HK1: variants seen among roughly 807,000 people sequenced by gnomAD.
The protein encoded by HK1 is hexokinase-1.
A neutral mutation model predicts 91.6 loss-of-function variants in HK1; 28 were observed. That is an observed-to-expected ratio of 0.31 (90% CI 0.23 to 0.42). The LOEUF (loss-of-function observed/expected upper bound fraction) is 0.42. Among genes scored for constraint, HK1 ranks in the 10% least tolerant of loss-of-function variants. The probability of loss-of-function intolerance (pLI) is 1.00; values close to 1 mark genes in which losing one functional copy is unlikely to be tolerated. For missense variants in HK1, 770 were observed against 1,219.8 expected (o/e 0.63, Z 5.49); for synonymous variants, 430 against 468.1 (o/e 0.92, Z 1.05).
At chr10:69,281,111 A>G (rs186845643) in intron 1 of HK1, among the ~76,000 whole-genome samples, 5 of 152,292 alleles carry the variant, frequency 3.3e-5, no homozygotes, top group South Asian at 4.2e-4. Context: ...ACTTTTAATG[A>G]GTGAATCCAC....
chr10:69,273,149 GCCTC>G (rs1424562654), intron 1 of HK1, among the ~76,000 whole-genome samples: 1 of 150,670 alleles, frequency 6.6e-6, no homozygotes, highest in African/African-American at 2.4e-5. Flanking sequence ...TCCTGCCTCA[GCCTC>G]CCAAGCACCT....
chr10:69,372,494 C>G (rs913165373), intron 7 of HK1, among the ~76,000 whole-genome samples: 2 of 152,146 alleles, frequency 1.3e-5, no homozygotes, highest in African/African-American at 4.8e-5. Context: ...GCCATTTTAC[C>G]CTCTTTGTGG....
chr10:69,273,779 AT>A (rs1350435186), intron 1 of HK1, among the ~76,000 whole-genome samples: 6 of 152,244 alleles, frequency 3.9e-5, no homozygotes, highest in Non-Finnish European at 7.3e-5. Flanking sequence ...CAATTGTAGA[AT>A]ATCCATGTCC....
At chr10:69,363,405 G>T (rs553190623) in intron 3 of HK1, among the ~76,000 whole-genome samples, 1 of 152,310 alleles carries the variant, frequency 6.6e-6, no homozygotes, top group Non-Finnish European at 1.5e-5. Flanking sequence ...TTGAGACAGG[G>T]TCTCACTCTG....
rs968696413 is a variant in HK1, at chr10:69,376,986, C to G, written c.928C>G (p.Leu310Val). The G allele has an allele frequency of 6.8e-6, 11 of 1,614,036 alleles. No individual in the cohort carries two copies. Among genetic ancestry groups the G allele is most frequent in the Non-Finnish European group, 8.5e-6 (10 of 1,180,034 alleles). The change falls in exon 8 of 18, where the codon CTA becomes GTA. Residue 310 changes from leucine (L) to valine (V), a missense_variant. Leu to Val is a conservative substitution (Grantham distance 32, BLOSUM62 1). Coordinates refer to ENST00000359426, the MANE Select transcript of HK1 (RefSeq NM_000188.3). ...CTTGGGAGAGCTGGTTCGACTGATCCTAGTCAAGATGGCCAAGGAGGGCCT... is the reference window on the plus strand; with the variant it reads ...CTTGGGAGAGCTGGTTCGACTGATCGTAGTCAAGATGGCCAAGGAGGGCCT... ...MYLGELVRLI[L>V]VKMAKEGLLF...
rs371194258 is a variant in HK1, at chr10:69,401,015, G to C, written c.2634G>C (p.Thr878=). The C allele has an allele frequency of 6.2e-7, 1 of 1,614,072 alleles. No homozygotes were observed. Among genetic ancestry groups the C allele is most frequent in the Admixed American group, 1.7e-5 (1 of 60,008 alleles). Residue 878 remains threonine (T), a synonymous_variant, in exon 18 of 18, where the codon ACG becomes ACC. Transcript: ENST00000359426. The part of the protein sequence containing the change: ...HPHFSRIMHQ[T]VKELSPKCNV... ...GCTTCTCCAGAATCATGCACCAGACGGTGAAGGAACTGTCACCAAAATGTA... is the reference window on the plus strand; with the variant it reads ...GCTTCTCCAGAATCATGCACCAGACCGTGAAGGAACTGTCACCAAAATGTA...
At chr10:69,289,964 G>T (rs908105644) in intron 3 of HK1, among the ~76,000 whole-genome samples, 5 of 151,900 alleles carry the variant, frequency 3.3e-5, no homozygotes, top group African/African-American at 1.2e-4. Flanking sequence ...TTCTCCCCCT[G>T]GATGTTGAAA....
At chr10:69,370,629 C>A (rs1472543857) in intron 7 of HK1, among the ~76,000 whole-genome samples, 2 of 152,110 alleles carry the variant, frequency 1.3e-5, no homozygotes, top group South Asian at 2.1e-4. Context: ...CCAAGACTTA[C>A]AATCTAGATG....
chr10:69,333,372 G>A (rs1847827017), intron 1 of HK1, among the ~76,000 whole-genome samples: 2 of 152,222 alleles, frequency 1.3e-5, no homozygotes, highest in African/African-American at 4.8e-5. Context: ...TCCAGAGGCT[G>A]GCTGTTTGCT....
intron 7 of HK1, among the ~76,000 whole-genome samples, chr10:69,375,736 C>A (rs901886832): frequency 6.6e-6 from 1 of 152,340 alleles, no homozygotes; most frequent in Admixed American, 6.5e-5. Flanking sequence ...CCTCTTCAAT[C>A]TGCCCTGCTC....
At chr10:69,385,798 T>TTCATTTTAAAGCATTTAAAGC in intron 12 of HK1, among the ~76,000 whole-genome samples, 1 of 152,216 alleles carries the variant, frequency 6.6e-6, no homozygotes, top group Non-Finnish European at 1.5e-5. Flanking sequence ...GTTTGTTTGT[T>TTCATTTTAAAGCATTTAAAGC]TTTAAAGCAT....
intron 8 of HK1, 60 bp downstream of exon 8, chr10:69,377,149 C>A: frequency 6.3e-7 from 1 of 1,594,212 alleles, no homozygotes; most frequent in Non-Finnish European, 8.6e-7. Context: ...GCAATTGGTC[C>A]CTTGTTACTT....
chr10:69,386,590 C>G (rs1057050058), intron 13 of HK1, 172 bp downstream of exon 13: 4 of 485,502 alleles, frequency 8.2e-6, no homozygotes, highest in South Asian at 1.9e-5. Context: ...TAGACCAGCC[C>G]GGGCAATATG....
At chr10:69,392,091 C>A in intron 14 of HK1, 34 bp from the exon 15 acceptor site, 1 of 1,612,708 alleles carries the variant, frequency 6.2e-7, no homozygotes, top group Non-Finnish European at 8.5e-7. Context: ...AAATGCAAGG[C>A]CACCGCTCCT....
intron 1 of HK1, among the ~76,000 whole-genome samples, chr10:69,325,840 A>G (rs934726509): frequency 2.2e-5 from 3 of 134,102 alleles, no homozygotes; most frequent in African/African-American, 8.3e-5. Flanking sequence ...TCTGGACTGC[A>G]TTTTTTTTTT....
Position 69,360,085 on chromosome 10 carries a change from C to G in HK1, c.375+40C>G, listed in dbSNP as rs749595288. On this transcript the variant is annotated intron_variant, in intron 3 of 17. Transcript: ENST00000359426. ...CCTCCGGGTCACCCCGTCGGGCCAG[C>G]ATCCCCTTGGTTACCTCCAGGAACC... 5.6e-6 allele frequency: 9 copies of G among 1,603,814 alleles called. No homozygotes were observed. The Admixed American group carries it at 1.2e-4, about 21-fold the overall frequency.
At chr10:69,321,062 A>C (rs1846994264) in intron 1 of HK1, among the ~76,000 whole-genome samples, 1 of 152,010 alleles carries the variant, frequency 6.6e-6, no homozygotes. Flanking sequence ...TTTCCACCAG[A>C]TATTATTTGT....
intron 1 of HK1, chr10:69,338,680 AGTGTGTGTGTGTGTGTGT>A (rs10578071): frequency 1.8e-5 from 21 of 1,169,482 alleles, no homozygotes; most frequent in African/African-American, 7.9e-5. Flanking sequence ...TGGAGATGTG[AGTGTGTGTGTGTGTGTGT>A]GTGTGTGTGT....
chr10:69,392,337 AC>A (rs1345266350), intron 15 of HK1, 29 bp downstream of exon 15: 5 of 1,612,226 alleles, frequency 3.1e-6, no homozygotes, highest in Non-Finnish European at 4.2e-6. Context: ...GAGGACACTC[AC>A]AGTCAGGGTG....
Sources: gnomAD v4.1 joint callset for allele counts (sites outside exome capture counted in the v4.1 genomes callset) on GRCh38, gnomAD v4.1.1 for gene constraint, MANE v1.5 for transcripts, NCBI Gene and HGNC (gene_info 2026-07-23, HGNC 2026-07-21) for gene names.